The following NNT variants were observed in gnomAD, a reference collection of about 807,000 sequenced individuals.
NNT encodes the protein NAD(P) transhydrogenase, mitochondrial.
NNT carries 50 observed loss-of-function variants against 104.8 expected under a neutral mutation model. That is an observed-to-expected ratio of 0.48 (90% confidence interval 0.38 to 0.60). The LOEUF is 0.60. Ranked by LOEUF, NNT falls within the 20% of genes least tolerant of loss-of-function variation. The pLI, the probability that NNT is intolerant of heterozygous loss-of-function variation, is 0.00. For synonymous variants in NNT, 461 were observed against 490.4 expected (o/e 0.94, Z 0.79); for missense variants, 1,131 against 1,330.7 (o/e 0.85, Z 2.33).
intron 16 of NNT, among the ~76,000 whole-genome samples, chr5:43,657,891 T>C (rs1002706546): frequency 6.6e-6 from 1 of 152,126 alleles, no homozygotes; most frequent in African/African-American, 2.4e-5. Context: ...TCCCAGCACT[T>C]TGGGAGGCCG....
chr5:43,645,279 A>G, intron 9 of NNT, 78 bp from the exon 10 acceptor site: 10 of 870,982 alleles, frequency 1.1e-5, no homozygotes, highest in Non-Finnish European at 1.6e-5. Context: ...CAGGGTTTTA[A>G]AAAATAGTAT....
chr5:43,677,803 T>G lies in NNT; in HGVS notation c.2873T>G (p.Val958Gly). ...ATGCTCACTGAGCAAGGCAAAAAAG[T>G]CAGGTAAGCGTTTGCAGTGGAGAGG... is the stretch of plus-strand genomic sequence containing the variant. ...VKMLTEQGKK[V>G]RFGIHPVAGR... Residue 958 changes from valine (V) to glycine (G), a missense_variant, in exon 19 of 22, where the codon GTC becomes GGC. Physicochemically the swap from Val to Gly is moderately radical, Grantham distance 109. Transcript: ENST00000344920. 1.2e-6 allele frequency: 2 copies of G among 1,613,206 alleles called. No homozygotes were observed. The highest frequency in any genetic ancestry group is 1.7e-6 in the Non-Finnish European group (2 of 1,179,260).
chr5:43,608,614 A>T (rs1263150247), intron 1 of NNT, among the ~76,000 whole-genome samples: 1 of 152,188 alleles, frequency 6.6e-6, no homozygotes, highest in African/African-American at 2.4e-5. Context: ...CTCAGTTCAG[A>T]GGTCTCAGTG....
intron 10 of NNT, among the ~76,000 whole-genome samples, chr5:43,648,796 G>A (rs1281055105): frequency 2.0e-5 from 3 of 152,092 alleles, no homozygotes; most frequent in Admixed American, 2.0e-4. Context: ...GCCTGTAATC[G>A]GGAATAAAAA....
intron 17 of NNT, among the ~76,000 whole-genome samples, chr5:43,661,500 G>A (rs1012259361): frequency 4.6e-5 from 7 of 150,854 alleles, no homozygotes; most frequent in Admixed American, 1.3e-4. Context: ...ATGCTGGTGC[G>A]CTGCACCCAC....
intron 17 of NNT, among the ~76,000 whole-genome samples, chr5:43,668,924 C>T (rs1369187152): frequency 2.0e-5 from 3 of 152,170 alleles, no homozygotes; most frequent in Non-Finnish European, 4.4e-5. Flanking sequence ...ATGGAATGTT[C>T]TTCCATTTGT....
intron 5 of NNT, among the ~76,000 whole-genome samples, chr5:43,621,192 G>A (rs1045606779): frequency 1.3e-5 from 2 of 152,224 alleles, no homozygotes; most frequent in Non-Finnish European, 2.9e-5. Flanking sequence ...GGCCCAGGAC[G>A]GTTTTGAATG....
chr5:43,655,495 A>G (rs947836002), intron 14 of NNT, among the ~76,000 whole-genome samples: 1 of 152,226 alleles, frequency 6.6e-6, no homozygotes, highest in African/African-American at 2.4e-5. Flanking sequence ...TGTTGTTTAA[A>G]ATTACTTTCA....
intron 15 of NNT, 114 bp downstream of exon 15, chr5:43,656,187 A>C: frequency 1.1e-6 from 1 of 881,584 alleles, no homozygotes; most frequent in Non-Finnish European, 1.7e-6. Context: ...TCATGCCTGC[A>C]ATCCAGCACT....
chr5:43,670,806 G>A (rs1408748663), intron 17 of NNT, among the ~76,000 whole-genome samples: 2 of 152,170 alleles, frequency 1.3e-5, no homozygotes, highest in Non-Finnish European at 2.9e-5. Flanking sequence ...GGTCCTGTTG[G>A]TGCAGAGTCG....
At chr5:43,608,240 T>G (rs1271741486) in intron 1 of NNT, among the ~76,000 whole-genome samples, 1 of 152,198 alleles carries the variant, frequency 6.6e-6, no homozygotes, top group Non-Finnish European at 1.5e-5. Flanking sequence ...CTTTCCATTC[T>G]TGAAAGAAAG....
intron 8 of NNT, 34 bp from the exon 9 acceptor site, chr5:43,644,577 A>C (rs748263466): frequency 1.3e-6 from 2 of 1,551,688 alleles, no homozygotes; most frequent in Non-Finnish European, 8.8e-7. Flanking sequence ...ACATAGGGTG[A>C]TAGACCTTTT....
At chr5:43,674,059 C>T (rs1272544180) in intron 17 of NNT, among the ~76,000 whole-genome samples, 1 of 151,952 alleles carries the variant, frequency 6.6e-6, no homozygotes, top group Non-Finnish European at 1.5e-5. Context: ...TTCTTTCACC[C>T]TCTTATCCTT....
chr5:43,679,728 G>C (rs890245684), intron 19 of NNT, among the ~76,000 whole-genome samples: 10 of 152,044 alleles, frequency 6.6e-5, no homozygotes, highest in Admixed American at 2.0e-4. Context: ...TTGATGAAAG[G>C]TTTAAGAGAA....
In NNT at chr5:43,628,311, C is replaced by G. The variant is rs746058626; in HGVS notation, c.888C>G (p.Phe296Leu). The G allele has an allele frequency of 1.2e-6, 2 of 1,613,792 alleles. No homozygotes were observed. Among genetic ancestry groups the G allele is most frequent in the South Asian group, 2.2e-5 (2 of 91,044 alleles). ...GGYAKEMSKE[F>L]IEAEMKLFAQ... Reference sequence around the variant, plus strand: ...ATGCAAAAGAGATGTCCAAAGAGTTCATTGAAGCTGAAATGAAACTCTTTG... The same window carrying G: ...ATGCAAAAGAGATGTCCAAAGAGTTGATTGAAGCTGAAATGAAACTCTTTG... The change falls in exon 7 of 22, where the codon TTC (phenylalanine) becomes TTG (leucine). Residue 296 changes from phenylalanine (F) to leucine (L), a missense_variant. Physicochemically the swap from Phe to Leu is conservative, Grantham distance 22. Transcript: ENST00000344920.
At chr5:43,647,284 G>A (rs1739498599) in intron 10 of NNT, among the ~76,000 whole-genome samples, 1 of 152,124 alleles carries the variant, frequency 6.6e-6, no homozygotes, top group Admixed American at 6.6e-5. Context: ...CAAAAGAAAT[G>A]AGGTTATTGT....
Position 43,673,249 on chromosome 5 carries a change from C to T in NNT, c.2635-2262C>T, listed in dbSNP as rs180766583. Among the ~76,000 whole-genome samples, 48 of 152,334 alleles carry T rather than the reference C, an allele frequency of 3.2e-4. No individual in the cohort carries two copies. The Middle Eastern group carries it at 0.024, about 76-fold the overall frequency. Reference sequence around the variant, plus strand: ...GTGCTTCCCAGGTGAGGCAATGCCTCGCCCTGCTTTGGCTCACGCTTGGTG... The same window carrying T: ...GTGCTTCCCAGGTGAGGCAATGCCTTGCCCTGCTTTGGCTCACGCTTGGTG... On this transcript the variant is annotated intron_variant, in intron 17 of 21. Coordinates refer to ENST00000344920, the MANE Select transcript of NNT (RefSeq NM_182977.3).
chr5:43,620,376 TG>T (rs1750017131), intron 5 of NNT, among the ~76,000 whole-genome samples: 1 of 152,074 alleles, frequency 6.6e-6, no homozygotes, highest in Non-Finnish European at 1.5e-5. Flanking sequence ...CCGGCCACCA[TG>T]CCCGGTTAAT....
chr5:43,702,684 C>T lies in NNT; in HGVS notation c.3059C>T (p.Pro1020Leu), dbSNP rs777269137. The T allele has an allele frequency of 1.9e-6, 3 of 1,612,506 alleles. No individual in the cohort carries two copies. The highest frequency in any genetic ancestry group is 3.3e-5 in the Admixed American group (2 of 59,872). ...DTVNSAAQED[P>L]NSIIAGMPVL... The stretch of plus-strand genomic sequence containing the variant: ...GTTAATTCAGCAGCTCAAGAAGATC[C>T]CAACTCTATTATTGCAGGCATGCCA... The change falls in exon 21 of 22, where the codon CCC becomes CTC. Residue 1020 changes from proline to leucine, a missense_variant. Physicochemically the swap from Pro to Leu is moderately conservative, Grantham distance 98. Transcript: ENST00000344920.
Sources: gnomAD v4.1 joint callset for allele counts (sites outside exome capture counted in the v4.1 genomes callset) on GRCh38, gnomAD v4.1.1 for gene constraint, MANE v1.5 for transcripts, NCBI Gene and HGNC (gene_info 2026-07-23, HGNC 2026-07-21) for gene names.